Variants in C2CD3 observed in about 807,000 individuals in gnomAD.
The protein encoded by C2CD3 is C2 domain-containing protein 3.
In C2CD3, 148 loss-of-function variants were observed where a neutral mutation model predicts 234.0. The observed-to-expected ratio is 0.63, with a 90% CI of 0.55 to 0.72. The LOEUF (loss-of-function observed/expected upper bound fraction) is 0.72. C2CD3 is among the 30% of genes least tolerant of loss of function. The pLI, the probability that C2CD3 is intolerant of heterozygous loss-of-function variation, is 0.00. For synonymous variants in C2CD3, 1,000 were observed against 1,035.4 expected, an observed-to-expected ratio of 0.97 and a Z score of 0.66; for missense variants, 2,577 against 2,811.5, an observed-to-expected ratio of 0.92 and a Z score of 1.89.
At chr11:74,014,370 G>A (rs1951804371) in intron 32 of C2CD3, among the ~76,000 whole-genome samples, 2 of 152,130 alleles carry the variant, frequency 1.3e-5, no homozygotes, top group African/African-American at 4.8e-5. Context: ...GCTCTTCCCT[G>A]TCATCAAGTC....
chr11:74,156,138 G>A (rs796888713), intron 3 of C2CD3, among the ~76,000 whole-genome samples: 5 of 152,222 alleles, frequency 3.3e-5, no homozygotes, highest in African/African-American at 1.2e-4. Context: ...GCTGGGCATG[G>A]TGGTGCACGC....
intron 32 of C2CD3, among the ~76,000 whole-genome samples, chr11:74,021,192 C>A (rs575061498): frequency 2.0e-5 from 3 of 151,842 alleles, no homozygotes; most frequent in African/African-American, 7.3e-5. Flanking sequence ...TGCAGTGAGC[C>A]GAGATCATGC....
At chr11:74,074,089 C>T (rs949246838) in intron 24 of C2CD3, among the ~76,000 whole-genome samples, 164 bp downstream of exon 24, 5 of 152,174 alleles carry the variant, frequency 3.3e-5, no homozygotes, top group Non-Finnish European at 5.9e-5. Flanking sequence ...CGATATGCAA[C>T]AAGTTCAGAA....
chr11:74,124,526 A>T (rs183735700), intron 7 of C2CD3, among the ~76,000 whole-genome samples: 1 of 152,252 alleles, frequency 6.6e-6, no homozygotes, highest in East Asian at 1.9e-4. Flanking sequence ...GACAACCGAG[A>T]AATGTCTCCA....
intron 19 of C2CD3, 98 bp from the exon 20 acceptor site, chr11:74,091,034 A>C: frequency 8.4e-7 from 1 of 1,184,240 alleles, no homozygotes; most frequent in South Asian, 1.4e-5. Flanking sequence ...GAGGATTAAC[A>C]CTACAACGAA....
At chr11:74,021,530 A>C (rs977890232) in intron 32 of C2CD3, among the ~76,000 whole-genome samples, 8 of 152,238 alleles carry the variant, frequency 5.3e-5, no homozygotes, top group Admixed American at 2.0e-4. Context: ...GAGACCCAGC[A>C]AACAAGGCAG....
At chr11:74,056,674 C>T (rs185094709) in intron 25 of C2CD3, among the ~76,000 whole-genome samples, 1 of 152,326 alleles carries the variant, frequency 6.6e-6, no homozygotes, top group African/African-American at 2.4e-5. Flanking sequence ...CTTTCCACTA[C>T]ACCAGAAGTC....
intron 24 of C2CD3, among the ~76,000 whole-genome samples, chr11:74,071,068 C>G (rs1218490688): frequency 1.3e-5 from 2 of 152,284 alleles, no homozygotes; most frequent in East Asian, 3.9e-4. Flanking sequence ...TCGTTTATTC[C>G]TCTGTACTAA....
chr11:74,166,197 C>A (rs1856794915), intron 2 of C2CD3, among the ~76,000 whole-genome samples: 1 of 151,846 alleles, frequency 6.6e-6, no homozygotes, highest in Non-Finnish European at 1.5e-5. Context: ...GTAGTCCCAG[C>A]TACTCAGGAG....
chr11:74,168,419 C>G lies in C2CD3; in HGVS notation c.250G>C (p.Glu84Gln), dbSNP rs770965293. Reference sequence around the variant, plus strand: ...GTAGTTGTTCTCACAGCTTTTGGTTCAGTCTGCAATGCATCCCTGGGACAA... The same window carrying G: ...GTAGTTGTTCTCACAGCTTTTGGTTGAGTCTGCAATGCATCCCTGGGACAA... The part of the protein sequence containing the change: ...LFCPRDALQT[E>Q]PKAVRTTTRY... The change falls in exon 2 of 33, where the codon GAA becomes CAA. Residue 84 changes from glutamate to glutamine, a missense_variant. Physicochemically the swap from Glu to Gln is conservative, Grantham distance 29. Coordinates refer to ENST00000334126, the MANE Select transcript of C2CD3 (RefSeq NM_001286577.2). 2 of 1,614,038 alleles carry G rather than the reference C, an allele frequency of 1.2e-6. No homozygotes were observed. The highest frequency in any genetic ancestry group is 2.7e-5 in the African/African-American group (2 of 74,940).
intron 28 of C2CD3, among the ~76,000 whole-genome samples, chr11:74,047,153 C>G (rs1353926366): frequency 6.6e-6 from 1 of 152,188 alleles, no homozygotes; most frequent in Non-Finnish European, 1.5e-5. Flanking sequence ...CCACCCTGTC[C>G]CTTGAGCAGG....
At chr11:74,085,524 T>TAAAGG in intron 21 of C2CD3, 94 bp downstream of exon 21, 1 of 1,291,068 alleles carries the variant, frequency 7.7e-7, no homozygotes. Context: ...CTCCTCACCT[T>TAAAGG]TAAATACTGC....
At chr11:74,080,280 T>A (rs1236019062) in intron 22 of C2CD3, among the ~76,000 whole-genome samples, 1 of 152,220 alleles carries the variant, frequency 6.6e-6, no homozygotes, top group Non-Finnish European at 1.5e-5. Context: ...GGACAGGTAT[T>A]TAACTTTTCT....
chr11:74,139,043 A>T (rs1957961029), intron 4 of C2CD3, 76 bp from the exon 5 acceptor site: 2 of 1,300,232 alleles, frequency 1.5e-6, no homozygotes, highest in African/African-American at 2.9e-5. Context: ...AGAGACAGAA[A>T]GTAGACCAGT....
At chr11:74,117,060 GAATATATA>G (rs1957004771) in intron 9 of C2CD3, among the ~76,000 whole-genome samples, 4 of 27,122 alleles carry the variant, frequency 1.5e-4, no homozygotes, top group Non-Finnish European at 3.0e-4. Flanking sequence ...ATATATATAT[GAATATATA>G]TATATGAATA....
rs1289394681 is a variant in C2CD3, at chr11:74,123,085, T to A, written c.1268A>T (p.Asp423Val). The A allele has an allele frequency of 6.2e-7, 1 of 1,612,836 alleles. No individual in the cohort carries two copies. Among genetic ancestry groups the A allele is most frequent in the Non-Finnish European group, 8.5e-7 (1 of 1,178,956 alleles). ...CACATCACTCCCAGGAGATGGGGAA[T>A]CTGGAGGAGAGCCTAGCCCATCCCA... is the stretch of plus-strand genomic sequence containing the variant. Reference protein sequence around the residue: ...NFWDGLGSPPDSPSPGSDVYC... With the variant: ...NFWDGLGSPPVSPSPGSDVYC... Residue 423 changes from aspartate (D) to valine (V), a missense_variant, in exon 8 of 33, where the codon GAT becomes GTT. Physicochemically the swap from Asp to Val is radical, Grantham distance 152 (BLOSUM62 -3). Coordinates refer to ENST00000334126, the MANE Select transcript of C2CD3 (RefSeq NM_001286577.2).
intron 3 of C2CD3, among the ~76,000 whole-genome samples, chr11:74,153,927 T>A (rs1019809068): frequency 6.6e-6 from 1 of 151,844 alleles, no homozygotes; most frequent in Non-Finnish European, 1.5e-5. Context: ...ATATATATAA[T>A]CAATTGATTA....
chr11:74,057,106 T>A lies in C2CD3; in HGVS notation c.5090+300A>T, dbSNP rs1243868623. On this transcript the variant is annotated intron_variant, in intron 25 of 32. Transcript: ENST00000334126. The stretch of plus-strand genomic sequence containing the variant: ...TGATATTTTTTCCCAGGTAAGACCA[T>A]GAACTCCTCAATTGCATGGAGTATC... 5.3e-5 allele frequency among the ~76,000 whole-genome samples: 8 copies of A among 152,146 alleles called. No individual in the cohort carries two copies. The East Asian group carries it at 5.8e-4, about 11-fold the overall frequency.
intron 14 of C2CD3, among the ~76,000 whole-genome samples, chr11:74,101,342 G>C (rs1472660249): frequency 6.6e-6 from 1 of 152,064 alleles, no homozygotes; most frequent in Non-Finnish European, 1.5e-5. Context: ...CAAGCTGTAG[G>C]GACAACTGTA....
Sources: allele counts gnomAD v4.1 joint callset (sites outside exome capture counted in the v4.1 genomes callset), GRCh38; gene constraint gnomAD v4.1.1; transcripts MANE v1.5; gene names NCBI Gene and HGNC (gene_info 2026-07-23, HGNC 2026-07-21).